Variants in SYNE1 observed in about 807,000 individuals in gnomAD.
SYNE1 encodes spectrin repeat containing nuclear envelope protein 1, also known as nesprin-1.
A neutral mutation model predicts 1,111.0 loss-of-function variants in SYNE1; 616 were observed. That is an observed-to-expected ratio of 0.55 (90% CI 0.52 to 0.59). The LOEUF (loss-of-function observed/expected upper bound fraction) is 0.59. Among genes scored for constraint, SYNE1 ranks in the 20% least tolerant of loss-of-function variants. SYNE1 has a pLI of 0.00. For missense variants in SYNE1, 10,006 were observed against 10,417.0 expected (o/e 0.96, Z 1.72); for synonymous variants, 3,855 against 3,825.8 (o/e 1.01, Z -0.28).
intron 11 of SYNE1, among the ~76,000 whole-genome samples, chr6:152,492,121 GCCCAGTT>G (rs1305947565): frequency 1.4e-4 from 21 of 152,172 alleles, no homozygotes; most frequent in Non-Finnish European, 2.9e-5. Flanking sequence ...TAAAAGCCCA[GCCCAGTT>G]CATGGCCTGT....
At chr6:152,455,289 T>TA (rs2098687950) in intron 24 of SYNE1, 137 bp downstream of exon 24, 1 of 875,122 alleles carries the variant, frequency 1.1e-6, no homozygotes, top group African/African-American at 1.7e-5. Context: ...TTGGGTCTCA[T>TA]ACCTAAAAAG....
At chr6:152,198,927 T>C (rs2074771646) in intron 127 of SYNE1, among the ~76,000 whole-genome samples, 1 of 150,764 alleles carries the variant, frequency 6.6e-6, no homozygotes, top group Non-Finnish European at 1.5e-5. Flanking sequence ...CACATGCTGT[T>C]GGAAAAATGG....
chr6:152,335,540 C>T (rs1351597761), intron 76 of SYNE1: 4 of 151,950 alleles, frequency 2.6e-5, no homozygotes, highest in East Asian at 1.9e-4. Context: ...CTTATTATCC[C>T]GATCCCTATT....
In SYNE1 at chr6:152,455,702, A is replaced by G. The variant is rs1005295312; in HGVS notation, c.2728-112T>C. 311 of 1,453,966 alleles carry G rather than the reference A, an allele frequency of 2.1e-4. 1 individual carries two copies. Among genetic ancestry groups the G allele is most frequent in the Non-Finnish European group, 2.8e-4 (295 of 1,043,980 alleles). 90.1% of individuals were successfully genotyped at this position (1,453,966 alleles called of 1,614,324 possible). On this transcript the variant is annotated intron_variant, in intron 23 of 145. Transcript: ENST00000367255. ...GCACTTGGAAAAAAGACATTTCATC[A>G]TCATGGGAATAATTAACTCTTTTCA...
At chr6:152,328,343 G>C (rs1482069899) in intron 78 of SYNE1, among the ~76,000 whole-genome samples, 1 of 151,748 alleles carries the variant, frequency 6.6e-6, no homozygotes, top group African/African-American at 2.4e-5. Flanking sequence ...GTTAAAGGAA[G>C]TAATCCTCTA....
chr6:152,509,117 C>A (rs1364615848), intron 8 of SYNE1, among the ~76,000 whole-genome samples: 2 of 151,982 alleles, frequency 1.3e-5, no homozygotes, highest in Non-Finnish European at 2.9e-5. Flanking sequence ...CAAACAAAAG[C>A]ATACTCTACA....
At chr6:152,217,900 T>TA (rs1190756539) in intron 121 of SYNE1, among the ~76,000 whole-genome samples, 2 of 152,132 alleles carry the variant, frequency 1.3e-5, no homozygotes, top group African/African-American at 2.4e-5. Context: ...AGAGTGGGTC[T>TA]ACATCAGCTT....
At chr6:152,521,175 A>G (rs1476133048) in intron 5 of SYNE1, among the ~76,000 whole-genome samples, 1 of 152,174 alleles carries the variant, frequency 6.6e-6, no homozygotes, top group Non-Finnish European at 1.5e-5. Flanking sequence ...TTTCCACATT[A>G]TATTGCTAAG....
chr6:152,306,895 CTG>C (rs1184272599), intron 91 of SYNE1, among the ~76,000 whole-genome samples: 3 of 124,090 alleles, frequency 2.4e-5, no homozygotes, highest in African/African-American at 6.2e-5. Flanking sequence ...TACAGCAAGA[CTG>C]TGTCTCAAAA....
intron 145 of SYNE1, chr6:152,129,068 C>T (rs370236317): frequency 6.6e-6 from 1 of 152,226 alleles, no homozygotes; most frequent in Admixed American, 6.5e-5. Flanking sequence ...AGCTGAAAGG[C>T]GCCTTGCGAG....
intron 39 of SYNE1, among the ~76,000 whole-genome samples, chr6:152,422,397 G>A (rs2098277530): frequency 6.6e-6 from 1 of 152,216 alleles, no homozygotes; most frequent in African/African-American, 2.4e-5. Flanking sequence ...AGGACTAAGA[G>A]ACTGACTAAA....
intron 109 of SYNE1, 71 bp from the exon 110 acceptor site, chr6:152,236,374 TG>T: frequency 9.0e-7 from 1 of 1,114,996 alleles, no homozygotes. Context: ...ATAATTTCTC[TG>T]GTACCTACAA....
At chr6:152,421,560 AT>A (rs2098260232) in intron 39 of SYNE1, among the ~76,000 whole-genome samples, 1 of 151,990 alleles carries the variant, frequency 6.6e-6, no homozygotes, top group African/African-American at 2.4e-5. Context: ...AACTTTGTTC[AT>A]TGTTTTTGAG....
intron 104 of SYNE1, among the ~76,000 whole-genome samples, chr6:152,249,790 T>C (rs2088563289): frequency 6.6e-6 from 1 of 152,142 alleles, no homozygotes; most frequent in South Asian, 2.1e-4. Flanking sequence ...TTATCCATGA[T>C]GGCCAAAAAC....
chr6:152,618,465 AAAG>A (rs1247305945), intron 3 of SYNE1, among the ~76,000 whole-genome samples: 1 of 152,234 alleles, frequency 6.6e-6, no homozygotes. Flanking sequence ...ACAGTAGAAT[AAAG>A]AAGAGCAGAT....
chr6:152,163,025 T>C (rs1265525197), intron 131 of SYNE1, among the ~76,000 whole-genome samples: 1 of 152,224 alleles, frequency 6.6e-6, no homozygotes, highest in Admixed American at 6.5e-5. Context: ...ATAGGAGGTA[T>C]TTACATTTTA....
chr6:152,606,639 G>GT (rs910008609), intron 3 of SYNE1, among the ~76,000 whole-genome samples: 1 of 151,496 alleles, frequency 6.6e-6, no homozygotes, highest in Non-Finnish European at 1.5e-5. Flanking sequence ...GTTTTTCTGA[G>GT]TTTTTTTGTT....
In SYNE1 at chr6:152,285,615, G is replaced by A. The variant is rs548161900; in HGVS notation, c.18013-1443C>T. Reference sequence around the variant, plus strand: ...CAGGGCCCCACTTCAGTCACTTCCTGGCTTCAGGGCCTTTGAACATGCTGT... The same window carrying A: ...CAGGGCCCCACTTCAGTCACTTCCTAGCTTCAGGGCCTTTGAACATGCTGT... On this transcript the variant is annotated intron_variant, in intron 95 of 145. Coordinates refer to ENST00000367255, the MANE Select transcript of SYNE1 (RefSeq NM_182961.4). Among the ~76,000 whole-genome samples the A allele has an allele frequency of 2.3e-3, 343 of 152,194 alleles. 1 individual carries two copies. The highest frequency in any genetic ancestry group is 8.0e-3 in the African/African-American group (333 of 41,494).
At chr6:152,535,510 G>T in intron 4 of SYNE1, among the ~76,000 whole-genome samples, 1 of 152,104 alleles carries the variant, frequency 6.6e-6, no homozygotes, top group Non-Finnish European at 1.5e-5. Flanking sequence ...TCCATTTATA[G>T]AAACACTAAA....
Sources: allele counts gnomAD v4.1 joint callset (sites outside exome capture counted in the v4.1 genomes callset), GRCh38; gene constraint gnomAD v4.1.1; transcripts MANE v1.5; gene names NCBI Gene and HGNC (gene_info 2026-07-23, HGNC 2026-07-21).